Variants in FCHO2 observed in about 807,000 individuals in gnomAD.
FCHO2 encodes the protein FCH and mu domain containing endocytic adaptor 2.
In FCHO2, 43 loss-of-function variants were observed where a neutral mutation model predicts 114.1. The ratio of observed to expected loss-of-function variants is 0.38; its 90% CI spans 0.30 to 0.49. The LOEUF is 0.49. Among genes scored for constraint, FCHO2 ranks in the 20% least tolerant of loss-of-function variants. The pLI is 0.97. For missense variants in FCHO2, 807 were observed against 950.4 expected (o/e 0.85, Z 1.98); for synonymous variants, 293 against 315.2 (o/e 0.93, Z 0.75).
chr5:73,026,583 T>G (rs976556318), intron 8 of FCHO2, among the ~76,000 whole-genome samples: 2 of 152,234 alleles, frequency 1.3e-5, no homozygotes, highest in Non-Finnish European at 2.9e-5. Flanking sequence ...CAGTTTGTGT[T>G]TTCAGTTCTT....
At chr5:73,018,523 C>CTTT (rs70973220) in intron 8 of FCHO2, among the ~76,000 whole-genome samples, 3 of 132,124 alleles carry the variant, frequency 2.3e-5, no homozygotes, top group Non-Finnish European at 3.3e-5. Context: ...TAACTTTCTT[C>CTTT]TTTTTTTTTT....
rs183851289 is a variant in FCHO2 at position 72,968,007 on chromosome 5, C to G, written c.34-491C>G. On this transcript the variant is annotated intron_variant, in intron 1 of 25. Transcript: ENST00000430046. Reference sequence around the variant, plus strand: ...TGGCACAATCCCGGCTCACTGCAAGCTCTGCCTCCCGGGTTCACGCCGTTC... The same window carrying G: ...TGGCACAATCCCGGCTCACTGCAAGGTCTGCCTCCCGGGTTCACGCCGTTC... Among the ~76,000 whole-genome samples, 528 of 151,718 alleles carry G rather than the reference C, an allele frequency of 3.5e-3. 1 individual carries two copies. The highest frequency in any genetic ancestry group is 0.012 in the African/African-American group (509 of 41,352).
intron 8 of FCHO2, among the ~76,000 whole-genome samples, chr5:73,018,523 C>CTTTTTTT (rs70973220): frequency 1.5e-5 from 2 of 132,112 alleles, no homozygotes; most frequent in Non-Finnish European, 1.7e-5. Context: ...TAACTTTCTT[C>CTTTTTTT]TTTTTTTTTT....
chr5:72,972,682 A>T (rs1319602739), intron 2 of FCHO2, among the ~76,000 whole-genome samples: 1 of 152,140 alleles, frequency 6.6e-6, no homozygotes, highest in African/African-American at 2.4e-5. Context: ...TCCTAGTTGA[A>T]TGCCCTTTAT....
intron 2 of FCHO2, among the ~76,000 whole-genome samples, chr5:72,974,726 G>A (rs1257364912): frequency 1.3e-5 from 2 of 152,036 alleles, no homozygotes; most frequent in Non-Finnish European, 2.9e-5. Flanking sequence ...GTTGTTATGT[G>A]TGAATTTGAT....
chr5:72,982,740 G>T (rs1385467339), intron 2 of FCHO2, among the ~76,000 whole-genome samples: 3 of 151,198 alleles, frequency 2.0e-5, no homozygotes, highest in East Asian at 1.9e-4. Context: ...TCTTCTAGGG[G>T]TTTTGTAGTT....
At chr5:73,067,234 A>G (rs1742394338) in intron 18 of FCHO2, among the ~76,000 whole-genome samples, 3 of 152,178 alleles carry the variant, frequency 2.0e-5, no homozygotes, top group Admixed American at 2.0e-4. Context: ...AAAATTAAAA[A>G]GGCAGTCACA....
At chr5:72,997,664 C>T (rs1754196679) in intron 5 of FCHO2, 3 of 1,534,266 alleles carry the variant, frequency 2.0e-6, no homozygotes, top group Non-Finnish European at 2.7e-6. Flanking sequence ...CCCCCTTCAC[C>T]TGAGTTGGGG....
At chr5:73,055,972 T>C (rs982050289) in intron 15 of FCHO2, 93 bp from the exon 16 acceptor site, 35 of 793,916 alleles carry the variant, frequency 4.4e-5, no homozygotes, top group Middle Eastern at 3.7e-4. Flanking sequence ...TTAATTGTTA[T>C]AGTGTTGAGA....
At chr5:72,975,160 T>TA (rs1752789180) in intron 2 of FCHO2, among the ~76,000 whole-genome samples, 1 of 152,344 alleles carries the variant, frequency 6.6e-6, no homozygotes, top group East Asian at 1.9e-4. Context: ...GTAGTATTTA[T>TA]AAAATTTGGT....
chr5:72,996,243 CAAAAAA>C (rs371371047), intron 5 of FCHO2, among the ~76,000 whole-genome samples: 3 of 110,984 alleles, frequency 2.7e-5, no homozygotes, highest in Admixed American at 9.1e-5. Context: ...AACTCTGTCT[CAAAAAA>C]AAAAAAAAAA....
intron 18 of FCHO2, among the ~76,000 whole-genome samples, chr5:73,066,575 C>CT (rs3054234): frequency 0.14 from 14,369 of 101,544 alleles, 1,134 homozygotes; most frequent in Non-Finnish European, 0.18. Context: ...AGTGCCTTTT[C>CT]TTTTTTTTTT....
At chr5:72,967,895 C>G (rs1469139054) in intron 1 of FCHO2, among the ~76,000 whole-genome samples, 1 of 151,662 alleles carries the variant, frequency 6.6e-6, no homozygotes, top group Non-Finnish European at 1.5e-5. Context: ...GCTGGGATTA[C>G]AGGCGTGAGC....
intron 24 of FCHO2, among the ~76,000 whole-genome samples, chr5:73,083,430 A>T (rs1009566577): frequency 2.0e-5 from 3 of 152,246 alleles, no homozygotes; most frequent in Admixed American, 6.5e-5. Flanking sequence ...TTATATTTAC[A>T]TGCTAACATT....
chr5:73,025,215 T>G (rs529106015), intron 8 of FCHO2, among the ~76,000 whole-genome samples: 3 of 152,184 alleles, frequency 2.0e-5, no homozygotes, highest in African/African-American at 7.2e-5. Context: ...TTGTTTGTTT[T>G]TTTCTTTTTT....
At chr5:73,012,106 A>G (rs1755047751) in intron 6 of FCHO2, among the ~76,000 whole-genome samples, 1 of 152,188 alleles carries the variant, frequency 6.6e-6, no homozygotes, top group Non-Finnish European at 1.5e-5. Flanking sequence ...GCTGTATATT[A>G]TGTGCTATGC....
intron 15 of FCHO2, chr5:73,055,114 CAG>C (rs1385847043): frequency 3.5e-5 from 13 of 370,246 alleles, no homozygotes; most frequent in African/African-American, 8.4e-5. Context: ...AAAATTCTAA[CAG>C]AGTTTAAGAG....
intron 19 of FCHO2, among the ~76,000 whole-genome samples, chr5:73,069,059 G>A (rs1742504959): frequency 6.6e-6 from 1 of 152,086 alleles, no homozygotes; most frequent in Non-Finnish European, 1.5e-5. Flanking sequence ...AAAACAAAAT[G>A]CAGTTCTTCC....
chr5:73,014,064 A>G (rs1261816719), intron 6 of FCHO2, among the ~76,000 whole-genome samples: 8 of 151,910 alleles, frequency 5.3e-5, no homozygotes, highest in African/African-American at 1.9e-4. Flanking sequence ...TAACTTGGAA[A>G]TTTTTTCCAA....
Sources: allele counts gnomAD v4.1 joint callset (sites outside exome capture counted in the v4.1 genomes callset), GRCh38; gene constraint gnomAD v4.1.1; transcripts MANE v1.5; gene names NCBI Gene and HGNC (gene_info 2026-07-23, HGNC 2026-07-21).